Variants in BUB1 observed in about 807,000 individuals in gnomAD.
BUB1 encodes the protein mitotic checkpoint serine/threonine-protein kinase BUB1.
Under a neutral mutation model 135.2 loss-of-function variants are expected in BUB1, and 84 were observed. The observed-to-expected ratio is 0.62, with a 90% confidence interval of 0.52 to 0.74. The LOEUF (loss-of-function observed/expected upper bound fraction) is 0.74. Ranked by LOEUF, BUB1 falls within the 30% of genes least tolerant of loss-of-function variation. The pLI, the probability that BUB1 is intolerant of heterozygous loss-of-function variation, is 0.00. For synonymous variants in BUB1, 403 were observed against 434.4 expected (o/e 0.93, Z 0.90); for missense variants, 1,162 against 1,288.3 (o/e 0.90, Z 1.50).
chr2:110,669,606 T>G, intron 5 of BUB1, 53 bp from the exon 6 acceptor site: 1 of 1,171,862 alleles, frequency 8.5e-7, no homozygotes. Context: ...AAACCGTAAG[T>G]AAAATTATCA....
chr2:110,646,449 T>C (rs1289536466), intron 19 of BUB1, among the ~76,000 whole-genome samples: 1 of 152,094 alleles, frequency 6.6e-6, no homozygotes, highest in Non-Finnish European at 1.5e-5. Context: ...AACTGAATGG[T>C]AGCATCAATC....
In BUB1 at chr2:110,643,144, C is replaced by T. The variant is rs142875362; in HGVS notation, c.2348-910G>A. Among the ~76,000 whole-genome samples, 888 of 152,280 alleles carry T rather than the reference C, an allele frequency of 5.8e-3. 7 individuals are homozygous for T. The highest frequency in any genetic ancestry group is 7.4e-3 in the Admixed American group (113 of 15,300). On this transcript the variant is annotated intron_variant, in intron 19 of 24. Coordinates refer to ENST00000302759, the MANE Select transcript of BUB1 (RefSeq NM_004336.5). ...AGTAAGCCAAATGGCTGAAAATCAA[C>T]GACGCTTCTGAGATCCATTAGAGAA...
intron 1 of BUB1, among the ~76,000 whole-genome samples, chr2:110,677,699 C>A (rs1280930890): frequency 1.3e-5 from 2 of 152,188 alleles, no homozygotes; most frequent in Non-Finnish European, 2.9e-5. Flanking sequence ...AAAGAATAAA[C>A]GAGAGCTCTG....
At position 110,637,621 on chromosome 2, in the gene BUB1, T is replaced by TGTGTGTGTGTGTG. The variant is rs1553514503; in HGVS notation, c.*342_*343insCACACACACACAC. The TGTGTGTGTGTGTG allele has an allele frequency of 1.8e-5, 3 of 165,234 alleles. No individual in the cohort carries two copies. The highest frequency in any genetic ancestry group is 2.6e-5 in the Non-Finnish European group (2 of 77,662). The allele number at this position is 165,234 out of a possible 1,614,324, so 10.2% of individuals were successfully genotyped here. On this transcript the variant is annotated 3_prime_UTR_variant, in exon 25 of 25. Transcript: ENST00000302759. ...GTGTGTGTGTGTGTGTGTGTGTGTG[T>TGTGTGTGTGTGTG]TTACACAGACACCAAACTTCAAATT... is the stretch of plus-strand genomic sequence containing the variant.
chr2:110,669,319 TG>T lies in BUB1; in HGVS notation c.567+133del. 4.6e-6 allele frequency: 3 copies of T among 651,382 alleles called. No homozygotes were observed. In the South Asian group the frequency reaches 5.4e-5, roughly 12 times the overall value. The allele number at this position is 651,382 out of a possible 1,614,324, so 40.4% of individuals were successfully genotyped here. On this transcript the variant is annotated intron_variant, in intron 6 of 24. Coordinates refer to ENST00000302759, the MANE Select transcript of BUB1 (RefSeq NM_004336.5). ...CCCAGGAAGTTGCCACAGGAGCAGG[TG>T]GCTGACATGGAGCTCAGAGCCATGA...
intron 9 of BUB1, among the ~76,000 whole-genome samples, chr2:110,663,250 A>T (rs914092431): frequency 6.6e-6 from 1 of 152,222 alleles, no homozygotes; most frequent in Non-Finnish European, 1.5e-5. Context: ...ACTGCACTCC[A>T]GCCTGGGCGA....
At position 110,674,339 on chromosome 2, in the gene BUB1, T is replaced by C. The variant is rs1407027164; in HGVS notation, c.53A>G (p.Tyr18Cys). Residue 18 changes from tyrosine (Y) to cysteine (C), a missense_variant, in exon 2 of 25, where the codon TAC (tyrosine) becomes TGC (cysteine). Physicochemically the swap from Tyr to Cys is radical, Grantham distance 194. Transcript: ENST00000302759. The part of the protein sequence containing the change: ...LQMLEAHMQS[Y>C]KGNDPLGEWE... ...TTCACCAAGAGGGTCATTGCCCTTG[T>C]AGCTCTGCATGTGGGCTTCAAGCAT... 5 of 1,614,108 alleles carry C rather than the reference T, an allele frequency of 3.1e-6. No homozygotes were observed. The highest frequency in any genetic ancestry group is 2.7e-5 in the African/African-American group (2 of 75,060).
At position 110,658,729 on chromosome 2, in the gene BUB1, A is replaced by G. The variant is rs141964283; in HGVS notation, c.1290T>C (p.His430=). The change falls in exon 12 of 25, where the codon CAT becomes CAC. Residue 430 remains histidine, a synonymous_variant. Coordinates refer to ENST00000302759, the MANE Select transcript of BUB1 (RefSeq NM_004336.5). Reference sequence around the variant, plus strand: ...GAAAAGAACTTGTGTTGGCAACCTTATGTGTTTCACACCCTAGCAAAGAAA... The same window carrying G: ...GAAAAGAACTTGTGTTGGCAACCTTGTGTGTTTCACACCCTAGCAAAGAAA... The part of the protein sequence containing the change: ...GAEIKEGCET[H]KVANTSSFHT... The G allele has an allele frequency of 6.7e-4, 1,076 of 1,614,178 alleles. 10 individuals carry two copies. In the East Asian group the frequency reaches 0.015, roughly 23 times the overall value.
intron 20 of BUB1, 132 bp from the exon 21 acceptor site, chr2:110,641,935 G>A: frequency 1.7e-6 from 2 of 1,159,202 alleles, no homozygotes; most frequent in Non-Finnish European, 2.4e-6. Context: ...GCTGCAATGT[G>A]GGGCTTGCTC....
chr2:110,664,363 C>T (rs936126559), intron 9 of BUB1, among the ~76,000 whole-genome samples: 1 of 152,070 alleles, frequency 6.6e-6, no homozygotes, highest in Non-Finnish European at 1.5e-5. Context: ...CATCAAAGAA[C>T]CAACAATCAG....
Position 110,670,548 on chromosome 2 carries a change from G to T in BUB1, c.443C>A (p.Thr148Asn), listed in dbSNP as rs770550562. The change falls in exon 5 of 25, where the codon ACT becomes AAT. Residue 148 changes from threonine (T) to asparagine (N), a missense_variant. By Grantham distance (65) the Thr-to-Asn change is moderately conservative. Coordinates refer to ENST00000302759, the MANE Select transcript of BUB1 (RefSeq NM_004336.5). ...QQYRLFQTRL[T>N]ETHLPAQART... Reference sequence around the variant, plus strand: ...ACCTTGAGCTGGCAAATGGGTTTCAGTGAGGCGTGTCTGAAATAACCTAAA... The same window carrying T: ...ACCTTGAGCTGGCAAATGGGTTTCATTGAGGCGTGTCTGAAATAACCTAAA... The T allele has an allele frequency of 3.0e-5, 49 of 1,614,000 alleles. No homozygotes were observed. The South Asian group carries it at 4.5e-4, about 15-fold the overall frequency.
chr2:110,639,394 C>CA (rs111453356), intron 24 of BUB1, among the ~76,000 whole-genome samples: 20,392 of 117,994 alleles, frequency 0.17, 3,307 homozygotes, highest in African/African-American at 0.44. Flanking sequence ...TTCCATAGAC[C>CA]AAAAAAAAAA....
intron 9 of BUB1, chr2:110,662,051 A>C: frequency 1.8e-6 from 1 of 553,790 alleles, no homozygotes; most frequent in Non-Finnish European, 3.1e-6. Flanking sequence ...GTAGCTTCTG[A>C]ACCACAGACA....
At chr2:110,665,605 A>G (rs201872422) in intron 9 of BUB1, among the ~76,000 whole-genome samples, 1 of 148,536 alleles carries the variant, frequency 6.7e-6, no homozygotes, top group African/African-American at 2.5e-5. Context: ...GTGTGTGTGT[A>G]TGCATACATA....
At position 110,637,764 on chromosome 2, in the gene BUB1, C is replaced by A. The variant is rs542553077; in HGVS notation, c.*200G>T. ...CAAATGCTTGCATCCCAGAAGCAGC[C>A]CAATCAGCCTGCTATATAGGGACCT... On this transcript the variant is annotated 3_prime_UTR_variant, in exon 25 of 25. Coordinates refer to ENST00000302759, the MANE Select transcript of BUB1 (RefSeq NM_004336.5). 6 of 392,844 alleles carry A rather than the reference C, an allele frequency of 1.5e-5. No homozygotes were observed. In the East Asian group the frequency reaches 2.2e-4, roughly 15 times the overall value. The allele number at this position is 392,844 out of a possible 1,614,324, so 24.3% of individuals were successfully genotyped here. A position where few individuals can be genotyped will look rare whatever the true frequency, so the allele number is the denominator to read the frequency against.
chr2:110,669,183 T>G (rs1690349554), intron 6 of BUB1, among the ~76,000 whole-genome samples: 1 of 151,930 alleles, frequency 6.6e-6, no homozygotes. Flanking sequence ...GGAAAGGACA[T>G]TGGTAAGGGA....
chr2:110,676,167 C>G (rs1690575884), intron 1 of BUB1, among the ~76,000 whole-genome samples: 1 of 151,278 alleles, frequency 6.6e-6, no homozygotes, highest in South Asian at 2.1e-4. Context: ...CTTTTAGAAG[C>G]TGAGAAAAAA....
chr2:110,674,497 AC>A (rs1202789336), intron 1 of BUB1, 132 bp from the exon 2 acceptor site: 1 of 733,642 alleles, frequency 1.4e-6, no homozygotes, highest in Non-Finnish European at 2.3e-6. Flanking sequence ...TTATATATAC[AC>A]CATTTATATG....
intron 14 of BUB1, 47 bp downstream of exon 14, chr2:110,657,499 C>T (rs1559169408): frequency 7.0e-7 from 1 of 1,433,966 alleles, no homozygotes; most frequent in East Asian, 2.4e-5. Context: ...CCTCTGGTCC[C>T]AGAGAAAACT....
Sources: gnomAD v4.1 joint callset for allele counts (sites outside exome capture counted in the v4.1 genomes callset) on GRCh38, gnomAD v4.1.1 for gene constraint, MANE v1.5 for transcripts, NCBI Gene and HGNC (gene_info 2026-07-23, HGNC 2026-07-21) for gene names.